The following ARID4B variants were observed in gnomAD, a reference collection of about 807,000 sequenced individuals.
ARID4B encodes the protein AT-rich interaction domain 4B.
In ARID4B, 26 loss-of-function variants were observed where a neutral mutation model predicts 147.5. That is an observed-to-expected ratio of 0.18 (90% CI 0.13 to 0.24). The LOEUF (loss-of-function observed/expected upper bound fraction) is 0.24, where lower values mean the gene tolerates loss of function less well. Ranked by LOEUF, ARID4B falls within the 10% of genes least tolerant of loss-of-function variation. ARID4B has a pLI of 1.00. For synonymous variants in ARID4B, 512 were observed against 507.9 expected (o/e 1.01, Z -0.11); for missense variants, 1,179 against 1,511.5 (o/e 0.78, Z 3.65).
At chr1:235,213,701 A>C in intron 17 of ARID4B, 68 bp downstream of exon 17, 1 of 1,475,710 alleles carries the variant, frequency 6.8e-7, no homozygotes, top group Middle Eastern at 1.8e-4. Context: ...CCATTACTTA[A>C]GTTTTTAAAT....
intron 2 of ARID4B, among the ~76,000 whole-genome samples, chr1:235,304,280 G>A (rs923282837): frequency 1.3e-5 from 2 of 151,926 alleles, no homozygotes; most frequent in African/African-American, 4.8e-5. Context: ...CCCAGGAGGT[G>A]GAGGCTGCAG....
At chr1:235,321,199 C>A (rs2103306928) in intron 2 of ARID4B, among the ~76,000 whole-genome samples, 1 of 152,174 alleles carries the variant, frequency 6.6e-6, no homozygotes, top group African/African-American at 2.4e-5. Flanking sequence ...TTACAATAAA[C>A]AAAGATTTAG....
chr1:235,302,315 G>A (rs1175504559), intron 2 of ARID4B, among the ~76,000 whole-genome samples: 4 of 137,216 alleles, frequency 2.9e-5, no homozygotes, highest in Non-Finnish European at 6.3e-5. Flanking sequence ...AAAGGGAAGT[G>A]GAAGAGAAGG....
intron 17 of ARID4B, among the ~76,000 whole-genome samples, chr1:235,204,844 A>G (rs539307106): frequency 1.3e-5 from 2 of 152,378 alleles, no homozygotes; most frequent in East Asian, 3.9e-4. Flanking sequence ...GTCCAAGTTT[A>G]GTAAACATTC....
At chr1:235,293,707 A>G (rs1198743941) in intron 2 of ARID4B, among the ~76,000 whole-genome samples, 1 of 152,200 alleles carries the variant, frequency 6.6e-6, no homozygotes, top group African/African-American at 2.4e-5. Context: ...GAAAGGGCCA[A>G]ATACAGTCTA....
chr1:235,247,754 C>T (rs904714578), intron 6 of ARID4B, among the ~76,000 whole-genome samples: 5 of 152,012 alleles, frequency 3.3e-5, no homozygotes, highest in Non-Finnish European at 5.9e-5. Context: ...TTTGGGAGGC[C>T]GAGGCAGGTG....
chr1:235,299,471 GT>G (rs1168226693), intron 2 of ARID4B, among the ~76,000 whole-genome samples: 2 of 152,186 alleles, frequency 1.3e-5, no homozygotes, highest in African/African-American at 4.8e-5. Context: ...GATTAAAGGC[GT>G]GAGCCACTGT....
intron 19 of ARID4B, chr1:235,187,088 T>TC (rs1262263189): frequency 5.1e-6 from 2 of 391,060 alleles, no homozygotes; most frequent in Admixed American, 6.7e-5. Context: ...TTTTTTTTTT[T>TC]TTTTTTTTTG....
chr1:235,302,151 C>T (rs1444448641), intron 2 of ARID4B, among the ~76,000 whole-genome samples: 6 of 8,110 alleles, frequency 7.4e-4, no homozygotes, highest in Admixed American at 1.3e-3. Flanking sequence ...TCTCAAAAAA[C>T]GGAAAAAAAA....
intron 8 of ARID4B, among the ~76,000 whole-genome samples, chr1:235,238,859 G>GAA (rs1297264415): frequency 1.5e-5 from 2 of 130,866 alleles, no homozygotes; most frequent in Non-Finnish European, 1.6e-5. Context: ...TGTCTCCGGG[G>GAA]AAAAAAAAAA....
chr1:235,229,522 T>A, intron 10 of ARID4B, 137 bp from the exon 11 acceptor site: 1 of 643,426 alleles, frequency 1.6e-6, no homozygotes. Context: ...TACCAGAAAC[T>A]GTGTTAAGTG....
At chr1:235,201,617 T>C (rs1275224085) in intron 17 of ARID4B, among the ~76,000 whole-genome samples, 2 of 152,160 alleles carry the variant, frequency 1.3e-5, no homozygotes, top group Admixed American at 6.6e-5. Flanking sequence ...AGCCACCGCA[T>C]CTGGCGGAAT....
At chr1:235,319,971 A>T (rs1674708377) in intron 2 of ARID4B, among the ~76,000 whole-genome samples, 1 of 152,154 alleles carries the variant, frequency 6.6e-6, no homozygotes, top group Non-Finnish European at 1.5e-5. Context: ...TACTAAAAAT[A>T]CAAAAATTAG....
At chr1:235,221,465 A>AT (rs1413446572) in intron 14 of ARID4B, 100 bp downstream of exon 14, 1 of 642,656 alleles carries the variant, frequency 1.6e-6, no homozygotes, top group African/African-American at 1.8e-5. Flanking sequence ...AAATGTTCTG[A>AT]TTTCTTTAAA....
chr1:235,212,097 T>C (rs1051267689), intron 17 of ARID4B, among the ~76,000 whole-genome samples: 4 of 151,932 alleles, frequency 2.6e-5, no homozygotes, highest in African/African-American at 4.8e-5. Context: ...ATACGAAAAT[T>C]AGCCAGGCAC....
At chr1:235,216,332 C>CACATATAT (rs147460230) in intron 16 of ARID4B, among the ~76,000 whole-genome samples, 7 of 151,042 alleles carry the variant, frequency 4.6e-5, no homozygotes, top group African/African-American at 1.5e-4. Context: ...CACACACACA[C>CACATATAT]ATATATACGT....
At chr1:235,246,642 A>G in intron 6 of ARID4B, 131 bp from the exon 7 acceptor site, 1 of 604,032 alleles carries the variant, frequency 1.7e-6, no homozygotes, top group Non-Finnish European at 2.9e-6. Flanking sequence ...GCTAAAACAC[A>G]GCTTTCCTAA....
At chr1:235,230,909 C>T (rs1352233217) in intron 10 of ARID4B, among the ~76,000 whole-genome samples, 2 of 147,054 alleles carry the variant, frequency 1.4e-5, no homozygotes, top group Non-Finnish European at 3.0e-5. Context: ...CAGAGCAAGA[C>T]TCTGTCTCCA....
chr1:235,187,240 C>A, intron 19 of ARID4B: 1 of 204,184 alleles, frequency 4.9e-6, no homozygotes, highest in Non-Finnish European at 1.0e-5. Flanking sequence ...TGCCACCACA[C>A]CCGGCTAACT....
Sources: allele counts gnomAD v4.1 joint callset (sites outside exome capture counted in the v4.1 genomes callset), GRCh38; gene constraint gnomAD v4.1.1; transcripts MANE v1.5; gene names NCBI Gene and HGNC (gene_info 2026-07-23, HGNC 2026-07-21).